Variants in FAM184B observed in about 807,000 individuals in gnomAD.
FAM184B encodes protein FAM184B.
In FAM184B, 111 loss-of-function variants were observed where a neutral mutation model predicts 135.9. That is an observed-to-expected ratio of 0.82 (90% CI 0.70 to 0.96). FAM184B has a LOEUF of 0.96. Ranked by LOEUF, FAM184B falls within the 40% of genes least tolerant of loss-of-function variation. The pLI is 0.00. For missense variants in FAM184B, 1,375 were observed against 1,323.9 expected (o/e 1.04, Z -0.60); for synonymous variants, 552 against 524.8 (o/e 1.05, Z -0.71).
intron 1 of FAM184B, among the ~76,000 whole-genome samples, chr4:17,774,229 G>C (rs937111014): frequency 6.6e-6 from 1 of 152,118 alleles, no homozygotes; most frequent in Non-Finnish European, 1.5e-5. Flanking sequence ...AAAGCCGGAC[G>C]TGGCAGTGCA....
intron 2 of FAM184B, among the ~76,000 whole-genome samples, chr4:17,708,548 G>A (rs1310005051): frequency 2.0e-5 from 3 of 150,722 alleles, no homozygotes; most frequent in Non-Finnish European, 4.4e-5. Context: ...GGGAGACTGA[G>A]GCAGGAGAAT....
chr4:17,678,735 A>G (rs1716373034), intron 7 of FAM184B, among the ~76,000 whole-genome samples: 1 of 152,218 alleles, frequency 6.6e-6, no homozygotes, highest in Admixed American at 6.5e-5. Flanking sequence ...AGGCTAAGCA[A>G]AAAGAACAAA....
chr4:17,775,865 G>C (rs1230368494), intron 1 of FAM184B, among the ~76,000 whole-genome samples: 1 of 152,212 alleles, frequency 6.6e-6, no homozygotes, highest in African/African-American at 2.4e-5. Context: ...CTGCAGGGCG[G>C]ATGAGGGATC....
chr4:17,708,304 G>A (rs1158676449), intron 2 of FAM184B, among the ~76,000 whole-genome samples: 2 of 151,942 alleles, frequency 1.3e-5, no homozygotes, highest in Non-Finnish European at 2.9e-5. Flanking sequence ...AACTCACCAC[G>A]TGTCCCTTGC....
At chr4:17,652,428 T>C (rs941401190) in intron 11 of FAM184B, among the ~76,000 whole-genome samples, 4 of 152,164 alleles carry the variant, frequency 2.6e-5, no homozygotes, top group African/African-American at 9.6e-5. Flanking sequence ...CCGGCCTTTA[T>C]GTTTAATATC....
chr4:17,776,967 G>T (rs1188275143), intron 1 of FAM184B, among the ~76,000 whole-genome samples: 1 of 152,128 alleles, frequency 6.6e-6, no homozygotes, highest in African/African-American at 2.4e-5. Flanking sequence ...AAACAATTTG[G>T]CAATTTCTTA....
chr4:17,774,240 C>T (rs1718876972), intron 1 of FAM184B, among the ~76,000 whole-genome samples: 1 of 152,086 alleles, frequency 6.6e-6, no homozygotes, highest in Non-Finnish European at 1.5e-5. Flanking sequence ...TGGCAGTGCA[C>T]GCCTGTAGTC....
At chr4:17,739,507 G>T (rs1048503471) in intron 1 of FAM184B, among the ~76,000 whole-genome samples, 4 of 144,452 alleles carry the variant, frequency 2.8e-5, no homozygotes, top group African/African-American at 1.0e-4. Context: ...CAGAGCAGAA[G>T]AATAACAAGA....
intron 10 of FAM184B, among the ~76,000 whole-genome samples, chr4:17,656,984 C>T (rs1014869538): frequency 2.0e-5 from 3 of 152,104 alleles, no homozygotes; most frequent in Non-Finnish European, 4.4e-5. Context: ...GTCTCACTCA[C>T]TCTCTTCCAT....
intron 2 of FAM184B, among the ~76,000 whole-genome samples, chr4:17,708,691 A>C (rs1380202479): frequency 2.6e-4 from 13 of 49,800 alleles, no homozygotes; most frequent in African/African-American, 1.0e-3. Flanking sequence ...ATATATATAT[A>C]TATATATATA....
chr4:17,645,865 T>G (rs1371836058), intron 12 of FAM184B, among the ~76,000 whole-genome samples: 5 of 152,002 alleles, frequency 3.3e-5, no homozygotes, highest in African/African-American at 1.2e-4. Context: ...TACAAAGAAC[T>G]CAAACAAATT....
chr4:17,695,839 G>A (rs1716845372), intron 5 of FAM184B, among the ~76,000 whole-genome samples: 1 of 152,088 alleles, frequency 6.6e-6, no homozygotes, highest in Non-Finnish European at 1.5e-5. Context: ...GAGGGTTCTG[G>A]GTTGGAGTAT....
At chr4:17,651,551 A>AAAG (rs1715618142) in intron 11 of FAM184B, among the ~76,000 whole-genome samples, 1 of 150,342 alleles carries the variant, frequency 6.7e-6, no homozygotes, top group African/African-American at 2.5e-5. Flanking sequence ...AAAAAAAAAA[A>AAAG]AAAAAAAAAA....
At chr4:17,687,874 T>C (rs1716623426) in intron 7 of FAM184B, among the ~76,000 whole-genome samples, 1 of 152,166 alleles carries the variant, frequency 6.6e-6, no homozygotes, top group Admixed American at 6.5e-5. Flanking sequence ...TACATTTCCA[T>C]GGCTGAAGCC....
At chr4:17,634,145 A>G (rs962452399) in intron 16 of FAM184B, 14 of 303,050 alleles carry the variant, frequency 4.6e-5, no homozygotes, top group Middle Eastern at 9.5e-4. Flanking sequence ...AATTTTGTTT[A>G]AGATTTTAGA....
chr4:17,635,772 A>G (rs974344061), intron 15 of FAM184B, among the ~76,000 whole-genome samples: 1 of 152,188 alleles, frequency 6.6e-6, no homozygotes, highest in Non-Finnish European at 1.5e-5. Context: ...AGAGAGATAC[A>G]GAAGTGAGGC....
chr4:17,775,506 T>C (rs1421764301), intron 1 of FAM184B, among the ~76,000 whole-genome samples: 4 of 152,312 alleles, frequency 2.6e-5, no homozygotes, highest in Non-Finnish European at 5.9e-5. Context: ...TTTTCTTGCA[T>C]AGCCATAGTA....
intron 6 of FAM184B, among the ~76,000 whole-genome samples, chr4:17,691,859 C>G (rs913668664): frequency 2.0e-5 from 3 of 151,956 alleles, no homozygotes; most frequent in Non-Finnish European, 4.4e-5. Flanking sequence ...CTGAGACCAT[C>G]CTGGCCAACA....
intron 16 of FAM184B, 75 bp from the exon 17 acceptor site, chr4:17,633,963 A>C: frequency 8.5e-7 from 1 of 1,169,742 alleles, no homozygotes; most frequent in Non-Finnish European, 1.1e-6. Flanking sequence ...AAAGCAAATA[A>C]TGCTCACCCA....
Sources: allele counts gnomAD v4.1 joint callset (sites outside exome capture counted in the v4.1 genomes callset), GRCh38; gene constraint gnomAD v4.1.1; transcripts MANE v1.5; gene names NCBI Gene and HGNC (gene_info 2026-07-23, HGNC 2026-07-21).